VSTM5: variants seen among roughly 807,000 people sequenced by gnomAD.
VSTM5 encodes the protein V-set and transmembrane domain containing 5.
Under a neutral mutation model 20.3 loss-of-function variants are expected in VSTM5, and 21 were observed. The ratio of observed to expected loss-of-function variants is 1.03; its 90% CI spans 0.73 to 1.49. The LOEUF (loss-of-function observed/expected upper bound fraction) is 1.49. Among genes scored for constraint, VSTM5 ranks in the 40% most tolerant of loss-of-function variants. The pLI is 0.00. For missense variants in VSTM5, 219 were observed against 250.0 expected (o/e 0.88, Z 0.84); for synonymous variants, 100 against 102.5 (o/e 0.98, Z 0.14).
chr11:93,849,245 A>G (rs1453525183), intron 1 of VSTM5, among the ~76,000 whole-genome samples: 2 of 152,150 alleles, frequency 1.3e-5, no homozygotes, highest in Non-Finnish European at 1.5e-5. Flanking sequence ...TCCTGGGCTT[A>G]AGTGATCCTT....
chr11:93,825,935 T>A (rs1475736660), intron 1 of VSTM5, among the ~76,000 whole-genome samples: 17 of 147,696 alleles, frequency 1.2e-4, no homozygotes, highest in South Asian at 2.2e-4. Flanking sequence ...AGAGTTGATT[T>A]TAAAAAAAAA....
chr11:93,820,314 G>C lies in VSTM5; in HGVS notation c.*255C>G, dbSNP rs192250676. ...ATTGGTTATGTGTCAGCACGGCCCT[G>C]ATGCTGCAGCCAAGCGAAGCTCCTG... On this transcript the variant is annotated 3_prime_UTR_variant, in exon 4 of 4. Coordinates refer to ENST00000409977, the MANE Select transcript of VSTM5 (RefSeq NM_001144871.2). 1 of 513,628 alleles carries C rather than the reference G, an allele frequency of 1.9e-6. No individual in the cohort carries two copies. The highest frequency in any genetic ancestry group is 1.9e-5 in the African/African-American group (1 of 51,982). 31.8% of individuals were successfully genotyped at this position (513,628 alleles called of 1,614,324 possible).
At chr11:93,844,470 T>C (rs11828942) in intron 1 of VSTM5, among the ~76,000 whole-genome samples, 30,088 of 152,056 alleles carry the variant, frequency 0.2, 3,395 homozygotes, top group African/African-American at 0.3. Context: ...CCAGCACCTT[T>C]CACCCAAGAT....
At position 93,850,601 on chromosome 11, in the gene VSTM5, G is replaced by A; in HGVS notation, c.-99C>T. ...TCTTCCTCCGCCTCTGGCTGCCGCAGGTTCTTTAGGGCCAGATGCAGATGA... is the reference window on the plus strand; with the variant it reads ...TCTTCCTCCGCCTCTGGCTGCCGCAAGTTCTTTAGGGCCAGATGCAGATGA... On this transcript the variant is annotated 5_prime_UTR_variant, in exon 1 of 4. Transcript: ENST00000409977. The A allele has an allele frequency of 1.6e-6, 1 of 614,854 alleles. No individual in the cohort carries two copies. The highest frequency in any genetic ancestry group is 2.3e-6 in the Non-Finnish European group (1 of 428,240). 38.1% of individuals were successfully genotyped at this position (614,854 alleles called of 1,614,324 possible). A position where few individuals can be genotyped will look rare whatever the true frequency, so the allele number is the denominator to read the frequency against.
chr11:93,821,090 T>A lies in VSTM5; in HGVS notation c.325A>T (p.Ser109Cys). ...TAGCCGGAATCCCTCACTCCCACGCTGAAGAGCTGGATGGAGCCGTTGTCA... is the reference window on the plus strand; with the variant it reads ...TAGCCGGAATCCCTCACTCCCACGCAGAAGAGCTGGATGGAGCCGTTGTCA... Reference protein sequence around the residue: ...TFDNGSIQLFSVGVRDSGYYV... With the variant: ...TFDNGSIQLFCVGVRDSGYYV... The change falls in exon 2 of 4, where the codon AGC (serine) becomes TGC (cysteine). Residue 109 changes from serine to cysteine, a missense_variant. Physicochemically the swap from Ser to Cys is moderately radical, Grantham distance 112 (BLOSUM62 -1). Transcript: ENST00000409977. 1.3e-6 allele frequency: 2 copies of A among 1,551,898 alleles called. No homozygotes were observed. Among genetic ancestry groups the A allele is most frequent in the Non-Finnish European group, 1.7e-6 (2 of 1,147,038 alleles).
chr11:93,830,363 G>A (rs1031617939), intron 1 of VSTM5, among the ~76,000 whole-genome samples: 45 of 152,208 alleles, frequency 3.0e-4, no homozygotes, highest in African/African-American at 9.9e-4. Context: ...AGCTAGTGGT[G>A]CCCTGCATCC....
intron 1 of VSTM5, among the ~76,000 whole-genome samples, chr11:93,825,173 G>A (rs1944221971): frequency 6.6e-6 from 1 of 152,092 alleles, no homozygotes; most frequent in Non-Finnish European, 1.5e-5. Flanking sequence ...TGAATTTGAT[G>A]TGGTTTTTTC....
chr11:93,845,234 C>T (rs1264962684), intron 1 of VSTM5, among the ~76,000 whole-genome samples: 1 of 152,170 alleles, frequency 6.6e-6, no homozygotes, highest in Admixed American at 6.5e-5. Flanking sequence ...GGGCATCTTA[C>T]TAGGTCCGTG....
chr11:93,821,280 G>A lies in VSTM5; in HGVS notation c.135C>T (p.Ala45=). 6.4e-7 allele frequency: 1 copy of A among 1,551,738 alleles called. No individual in the cohort carries two copies. The highest frequency in any genetic ancestry group is 8.7e-7 in the Non-Finnish European group (1 of 1,146,986). ...AGAGCAGGATGTCTTCTTTGACAGT[G>A]GCATTGATGGTGGCCTGAGGAATGT... ...SLYIPQATIN[A]TVKEDILLSV... is the part of the protein sequence containing the mutation. The change falls in exon 2 of 4, where the codon GCC becomes GCT. Residue 45 remains alanine (A), a synonymous_variant. Transcript: ENST00000409977.
At chr11:93,850,363 C>T (rs113556447) in intron 1 of VSTM5, 49 bp downstream of exon 1, 197,770 of 1,514,022 alleles carry the variant, frequency 0.13, 14,091 homozygotes, top group African/African-American at 0.22. Flanking sequence ...CCCGTGCCCC[C>T]CTACCCATTC....
intron 1 of VSTM5, among the ~76,000 whole-genome samples, chr11:93,829,400 C>T (rs781240562): frequency 3.3e-5 from 5 of 152,064 alleles, no homozygotes; most frequent in Non-Finnish European, 5.9e-5. Flanking sequence ...TGGTGGCTGG[C>T]GCCTGTAATC....
rs151049077 is a variant in VSTM5, at chr11:93,828,616, G to A, written c.92-7293C>T. On this transcript the variant is annotated intron_variant, in intron 1 of 3. Coordinates refer to ENST00000409977, the MANE Select transcript of VSTM5 (RefSeq NM_001144871.2). ...CAGGTATCTTGCCAACATAGTCTCT[G>A]CATTTAAGGAGTTATAGAGTTAAGG... 3.8e-3 allele frequency among the ~76,000 whole-genome samples: 576 copies of A among 152,274 alleles called. 13 individuals carry two copies. The highest frequency in any genetic ancestry group is 0.013 in the African/African-American group (550 of 41,546).
chr11:93,837,699 C>T (rs562417491), intron 1 of VSTM5, among the ~76,000 whole-genome samples: 111 of 152,216 alleles, frequency 7.3e-4, no homozygotes, highest in African/African-American at 2.6e-3. Flanking sequence ...GAATGCTTAG[C>T]ACAGTGCCCT....
intron 1 of VSTM5, among the ~76,000 whole-genome samples, chr11:93,841,952 G>A (rs1164253435): frequency 6.6e-6 from 1 of 152,214 alleles, no homozygotes; most frequent in Non-Finnish European, 1.5e-5. Flanking sequence ...AAATTTAGCT[G>A]TGCCAGTAAC....
intron 1 of VSTM5, among the ~76,000 whole-genome samples, chr11:93,843,801 C>A (rs1263997732): frequency 6.6e-6 from 1 of 152,164 alleles, no homozygotes; most frequent in Non-Finnish European, 1.5e-5. Context: ...CTGGTCCCAA[C>A]TTTCTTTTCC....
chr11:93,849,160 G>A (rs570420068), intron 1 of VSTM5, among the ~76,000 whole-genome samples: 24 of 151,004 alleles, frequency 1.6e-4, no homozygotes, highest in Admixed American at 1.3e-3. Flanking sequence ...TTTTTCTTTC[G>A]CTTTGGAGAA....
chr11:93,846,721 G>A (rs1489829355), intron 1 of VSTM5, among the ~76,000 whole-genome samples: 1 of 151,574 alleles, frequency 6.6e-6, no homozygotes. Context: ...CTAAGTTGCT[G>A]AATAAACAGT....
chr11:93,845,665 C>A (rs936166770), intron 1 of VSTM5, among the ~76,000 whole-genome samples: 2 of 152,138 alleles, frequency 1.3e-5, no homozygotes, highest in Non-Finnish European at 2.9e-5. Flanking sequence ...GAGAAGCCAG[C>A]GTCTTGGGTG....
At chr11:93,821,512 T>C in intron 1 of VSTM5, 189 bp from the exon 2 acceptor site, 1 of 607,984 alleles carries the variant, frequency 1.6e-6, no homozygotes. Flanking sequence ...TAGAGCTCTC[T>C]ACACACAGAG....
Sources: allele counts gnomAD v4.1 joint callset (sites outside exome capture counted in the v4.1 genomes callset), GRCh38; gene constraint gnomAD v4.1.1; transcripts MANE v1.5; gene names NCBI Gene and HGNC (gene_info 2026-07-23, HGNC 2026-07-21).